The following PLCH1 variants were observed in gnomAD, a reference collection of about 807,000 sequenced individuals.
PLCH1 encodes 1-phosphatidylinositol 4,5-bisphosphate phosphodiesterase eta-1.
A neutral mutation model predicts 126.7 loss-of-function variants in PLCH1; 60 were observed. That is an observed-to-expected ratio of 0.47 (90% CI 0.38 to 0.59). The LOEUF (loss-of-function observed/expected upper bound fraction) is 0.59, where lower values mean the gene tolerates loss of function less well. Ranked by LOEUF, PLCH1 falls within the 20% of genes least tolerant of loss-of-function variation. The pLI is 0.00. For synonymous variants in PLCH1, 719 were observed against 734.9 expected (o/e 0.98, Z 0.35); for missense variants, 1,723 against 2,040.0 (o/e 0.84, Z 2.99).
intron 7 of PLCH1, 35 bp from the exon 8 acceptor site, chr3:155,565,153 CA>C (rs758361141): frequency 6.9e-7 from 1 of 1,439,548 alleles, no homozygotes; most frequent in South Asian, 1.2e-5. Flanking sequence ...CTACAGCTTT[CA>C]AAGCATATAT....
intron 2 of PLCH1, among the ~76,000 whole-genome samples, chr3:155,639,292 C>G (rs1479013602): frequency 1.3e-5 from 2 of 151,874 alleles, no homozygotes; most frequent in African/African-American, 4.8e-5. Flanking sequence ...AACCTTGTCT[C>G]CACAAAAAAT....
chr3:155,583,829 A>G (rs1731020251), intron 5 of PLCH1, among the ~76,000 whole-genome samples, 187 bp from the exon 6 acceptor site: 1 of 152,138 alleles, frequency 6.6e-6, no homozygotes, highest in South Asian at 2.1e-4. Context: ...ATTTGGCCAG[A>G]AAGTTTCAAC....
rs561216316 is a variant in PLCH1 at position 155,635,818 on chromosome 3, A to G, written c.80-39440T>C. On this transcript the variant is annotated intron_variant, in intron 2 of 22. Transcript: ENST00000460012. ...TATTAAAATATCATATATGCTTTGA[A>G]TGATTGCAAATTACTGTTTAGATAC... Among the ~76,000 whole-genome samples the G allele has an allele frequency of 2.0e-5, 3 of 152,386 alleles. No individual in the cohort carries two copies. The South Asian group carries it at 6.2e-4, about 32-fold the overall frequency.
chr3:155,629,250 A>G (rs534035674), intron 2 of PLCH1, among the ~76,000 whole-genome samples: 14 of 152,214 alleles, frequency 9.2e-5, no homozygotes, highest in African/African-American at 3.4e-4. Context: ...ATTCTCAGTT[A>G]TCTGAAATTC....
intron 2 of PLCH1, among the ~76,000 whole-genome samples, chr3:155,646,092 T>C (rs984886124): frequency 2.0e-5 from 3 of 152,108 alleles, no homozygotes; most frequent in Non-Finnish European, 2.9e-5. Flanking sequence ...TTGGTTTGCA[T>C]GTGAAAGGTG....
intron 2 of PLCH1, among the ~76,000 whole-genome samples, chr3:155,698,683 A>G (rs1461540678): frequency 6.6e-6 from 1 of 152,232 alleles, no homozygotes; most frequent in Non-Finnish European, 1.5e-5. Flanking sequence ...AGTCCCAAAG[A>G]GAACAACTCA....
chr3:155,699,822 T>TCACACACACACACACACACACA (rs59082626), intron 2 of PLCH1, among the ~76,000 whole-genome samples: 9,435 of 147,584 alleles, frequency 0.064, 336 homozygotes, highest in Middle Eastern at 0.1. Flanking sequence ...CTGTGACCAT[T>TCACACACACACACACACACACA]CACACACACA....
intron 11 of PLCH1, among the ~76,000 whole-genome samples, chr3:155,522,849 C>A (rs7637342): frequency 0.61 from 93,089 of 151,626 alleles, 29,800 homozygotes; most frequent in East Asian, 0.91. Context: ...CTAGCAATCA[C>A]ATGAGTTATA....
intron 1 of PLCH1, among the ~76,000 whole-genome samples, chr3:155,727,330 C>CA (rs1298796019): frequency 4.7e-5 from 7 of 147,474 alleles, no homozygotes; most frequent in Non-Finnish European, 8.9e-5. Context: ...TAGATTTCAC[C>CA]AAAAAAGGAA....
At chr3:155,637,777 A>C (rs1738913897) in intron 2 of PLCH1, among the ~76,000 whole-genome samples, 1 of 152,228 alleles carries the variant, frequency 6.6e-6, no homozygotes. Context: ...CACCTACTTT[A>C]GTATGTTTAC....
chr3:155,547,351 C>T (rs1398615303), intron 10 of PLCH1, among the ~76,000 whole-genome samples: 7 of 151,618 alleles, frequency 4.6e-5, no homozygotes, highest in Non-Finnish European at 1.0e-4. Flanking sequence ...TACCATCTCA[C>T]ACCAGTTAGA....
chr3:155,683,188 C>A (rs1272539281), intron 2 of PLCH1, among the ~76,000 whole-genome samples: 3 of 152,186 alleles, frequency 2.0e-5, no homozygotes, highest in Admixed American at 2.0e-4. Flanking sequence ...ATGAGCCACT[C>A]ATTAGCCTGA....
At chr3:155,695,938 G>A (rs1178803229) in intron 2 of PLCH1, among the ~76,000 whole-genome samples, 2 of 152,300 alleles carry the variant, frequency 1.3e-5, no homozygotes, top group East Asian at 1.9e-4. Flanking sequence ...GGTTGGCAAG[G>A]CAGATGGGTA....
At chr3:155,669,105 T>C (rs1372443455) in intron 2 of PLCH1, among the ~76,000 whole-genome samples, 2 of 151,574 alleles carry the variant, frequency 1.3e-5, no homozygotes, top group East Asian at 1.9e-4. Context: ...ACCACAGTTA[T>C]GCCCGAGGAG....
chr3:155,531,412 G>T (rs1228387332), intron 10 of PLCH1, among the ~76,000 whole-genome samples: 1 of 152,162 alleles, frequency 6.6e-6, no homozygotes, highest in Non-Finnish European at 1.5e-5. Flanking sequence ...ATCACCTGAG[G>T]CCAGGAGTTC....
At chr3:155,626,883 G>A (rs1379044714) in intron 2 of PLCH1, among the ~76,000 whole-genome samples, 2 of 138,106 alleles carry the variant, frequency 1.4e-5, no homozygotes, top group African/African-American at 5.3e-5. Flanking sequence ...ATATCTACAA[G>A]AATATCTAAT....
At chr3:155,502,896 C>T (rs1211873485) in intron 13 of PLCH1, among the ~76,000 whole-genome samples, 1 of 152,178 alleles carries the variant, frequency 6.6e-6, no homozygotes, top group Non-Finnish European at 1.5e-5. Flanking sequence ...AGCCTACTAA[C>T]AAATTATCTC....
intron 21 of PLCH1, among the ~76,000 whole-genome samples, chr3:155,466,083 CA>C (rs531664168): frequency 7.9e-5 from 12 of 152,302 alleles, no homozygotes; most frequent in Non-Finnish European, 1.3e-4. Context: ...AGGTGGGACC[CA>C]GGCATGGTTG....
chr3:155,555,047 A>C (rs1418315105), intron 8 of PLCH1, among the ~76,000 whole-genome samples: 1 of 152,200 alleles, frequency 6.6e-6, no homozygotes, highest in Non-Finnish European at 1.5e-5. Context: ...AATTCCTCAA[A>C]ACACTACTTT....
Sources: allele counts gnomAD v4.1 joint callset (sites outside exome capture counted in the v4.1 genomes callset), GRCh38; gene constraint gnomAD v4.1.1; transcripts MANE v1.5; gene names NCBI Gene and HGNC (gene_info 2026-07-23, HGNC 2026-07-21).